Variants in EZH1 observed in about 807,000 individuals in gnomAD.
EZH1 encodes histone-lysine N-methyltransferase EZH1.
EZH1 carries 33 observed loss-of-function variants against 100.5 expected under a neutral mutation model. The observed-to-expected ratio is 0.33, with a 90% confidence interval of 0.25 to 0.44. The LOEUF is 0.44. Among genes scored for constraint, EZH1 ranks in the 20% least tolerant of loss-of-function variants. The pLI, the probability that EZH1 is intolerant of heterozygous loss-of-function variation, is 1.00. For synonymous variants in EZH1, 272 were observed against 313.8 expected, an observed-to-expected ratio of 0.87 and a Z score of 1.41; for missense variants, 475 against 928.4, an observed-to-expected ratio of 0.51 and a Z score of 6.35.
Position 42,704,707 on chromosome 17 carries a change from A to C in EZH1, c.1936-24T>G, listed in dbSNP as rs181691201. The C allele has an allele frequency of 3.4e-5, 55 of 1,603,568 alleles. No homozygotes were observed. The African/African-American group carries it at 6.7e-4, about 19-fold the overall frequency. On this transcript the variant is annotated intron_variant, in intron 17 of 20. Transcript: ENST00000428826. ...AGCTAGAGAGATAGACAAATAACAA[A>C]TAGGAGTATCAGGCTGCCTGCTCAG...
intron 1 of EZH1, among the ~76,000 whole-genome samples, chr17:42,740,988 C>T (rs1425124230): frequency 6.6e-6 from 1 of 152,170 alleles, no homozygotes; most frequent in East Asian, 1.9e-4. Flanking sequence ...TAAAACAAAA[C>T]AAAGAAAAAG....
chr17:42,702,510 G>A lies in EZH1; in HGVS notation c.*22C>T. On this transcript the variant is annotated 3_prime_UTR_variant, in exon 21 of 21. Transcript: ENST00000428826. ...CCAAGACAGTGCCGCTACCATAAGT[G>A]CTGCCGTGGGGCCTGGGAGGGCTAA... 6.6e-7 allele frequency: 1 copy of A among 1,504,924 alleles called. No homozygotes were observed. The highest frequency in any genetic ancestry group is 8.9e-7 in the Non-Finnish European group (1 of 1,120,192). The allele number at this position is 1,504,924 out of a possible 1,614,324, so 93.2% of individuals were successfully genotyped here.
intron 1 of EZH1, among the ~76,000 whole-genome samples, chr17:42,733,338 A>C (rs1469249029): frequency 6.6e-4 from 83 of 126,288 alleles, no homozygotes; most frequent in Admixed American, 1.6e-3. Context: ...ACTCTGTCTC[A>C]AAAAAAAAAA....
intron 16 of EZH1, chr17:42,705,535 T>C (rs777562385): frequency 6.5e-5 from 13 of 199,376 alleles, no homozygotes; most frequent in African/African-American, 9.5e-5. Context: ...TTCTTTCTCT[T>C]TTTGGAGATG....
Position 42,718,988 on chromosome 17 carries a change from G to T in EZH1, c.767+117C>A, listed in dbSNP as rs4792952. 7 of 749,232 alleles carry T rather than the reference G, an allele frequency of 9.3e-6. No individual in the cohort carries two copies. The highest frequency in any genetic ancestry group is 1.8e-5 in the African/African-American group (1 of 57,136). 46.4% of individuals were successfully genotyped at this position (749,232 alleles called of 1,614,324 possible). A position where few individuals can be genotyped will look rare whatever the true frequency, so the allele number is the denominator to read the frequency against. On this transcript the variant is annotated intron_variant, in intron 8 of 20. Coordinates refer to ENST00000428826, the MANE Select transcript of EZH1 (RefSeq NM_001991.5). The surrounding 1 kb of genome is among the most constrained non-coding windows in gnomAD (Gnocchi z 4.2). ...AGTAAGCAAGAAATAATCAAATTGC[G>T]GGCAAATCATAATGCCCTTACCATA...
Position 42,705,169 on chromosome 17 carries a change from G to A in EZH1, c.1854C>T (p.Ala618=). The change falls in exon 17 of 21, where the codon GCC becomes GCT. Residue 618 remains alanine (A), a synonymous_variant. Coordinates refer to ENST00000428826, the MANE Select transcript of EZH1 (RefSeq NM_001991.5). The stretch of plus-strand genomic sequence containing the variant: ...TGCCCCATCCGGCCACATCAGAGGG[G>A]GCCAGCAGCAGGTGCTGGGGAAGAG... The part of the protein sequence containing the change: ...QRGLKKHLLL[A]PSDVAGWGTF... The A allele has an allele frequency of 6.2e-7, 1 of 1,613,002 alleles. No individual in the cohort carries two copies. Among genetic ancestry groups the A allele is most frequent in the South Asian group, 1.1e-5 (1 of 90,982 alleles).
chr17:42,711,091 T>C (rs2053472842), intron 12 of EZH1, among the ~76,000 whole-genome samples: 1 of 151,728 alleles, frequency 6.6e-6, no homozygotes, highest in Admixed American at 6.6e-5. Flanking sequence ...ACTGTGGTCT[T>C]TTCCTGTCTT....
intron 10 of EZH1, among the ~76,000 whole-genome samples, chr17:42,715,208 T>G (rs1408943819): frequency 7.0e-6 from 1 of 143,576 alleles, no homozygotes; most frequent in Non-Finnish European, 1.5e-5. Flanking sequence ...TATTTATATA[T>G]AATATATATT....
In EZH1 at chr17:42,702,275, T is replaced by C. The variant is rs79807087; in HGVS notation, c.*257A>G. The C allele has an allele frequency of 0.024, 10,264 of 421,644 alleles. 620 individuals are homozygous for C. The highest frequency in any genetic ancestry group is 0.14 in the African/African-American group (6,853 of 50,676). 26.1% of individuals were successfully genotyped at this position (421,644 alleles called of 1,614,324 possible). A position where few individuals can be genotyped will look rare whatever the true frequency, so the allele number is the denominator to read the frequency against. ...ATCCACCCCAGCCTGTGCTCGCTTC[T>C]TCTGAGGCCAGAGAAACAGTCTCCC... On this transcript the variant is annotated 3_prime_UTR_variant, in exon 21 of 21. Coordinates refer to ENST00000428826, the MANE Select transcript of EZH1 (RefSeq NM_001991.5).
chr17:42,703,714 C>A, intron 19 of EZH1, 26 bp downstream of exon 19: 1 of 1,567,228 alleles, frequency 6.4e-7, no homozygotes, highest in Non-Finnish European at 8.8e-7. Context: ...ATCCCCCACC[C>A]CACCTCCCAG....
chr17:42,705,853 C>G lies in EZH1; in HGVS notation c.1839+154G>C, dbSNP rs954344630. The G allele has an allele frequency of 3.6e-6, 3 of 840,590 alleles. No homozygotes were observed. The Admixed American group carries it at 9.7e-5, about 27-fold the overall frequency. 52.1% of individuals were successfully genotyped at this position (840,590 alleles called of 1,614,324 possible). A position where few individuals can be genotyped will look rare whatever the true frequency, so the allele number is the denominator to read the frequency against. ...TTTCTAAGCCCTACTGGGACTGAAG[C>G]CTTTATTAATTCAGTAAATATGTGT... On this transcript the variant is annotated intron_variant, in intron 16 of 20. Coordinates refer to ENST00000428826, the MANE Select transcript of EZH1 (RefSeq NM_001991.5).
intron 1 of EZH1, among the ~76,000 whole-genome samples, chr17:42,744,470 C>G (rs1241378867): frequency 1.3e-5 from 2 of 152,114 alleles, no homozygotes; most frequent in African/African-American, 4.8e-5. Flanking sequence ...CTTGCGCGAC[C>G]CTGAGTCAGT....
intron 15 of EZH1, among the ~76,000 whole-genome samples, chr17:42,707,650 T>TA (rs1355646322): frequency 6.6e-6 from 1 of 152,152 alleles, no homozygotes; most frequent in Non-Finnish European, 1.5e-5. Context: ...CTACCCAAAG[T>TA]GCTGGGATTA....
chr17:42,740,333 G>A (rs1378555342), intron 1 of EZH1, among the ~76,000 whole-genome samples: 3 of 150,094 alleles, frequency 2.0e-5, no homozygotes, highest in East Asian at 2.0e-4. Context: ...TCCGCCTCCC[G>A]GGTTCAAGCG....
intron 13 of EZH1, chr17:42,709,170 A>AAG: frequency 3.7e-6 from 2 of 544,676 alleles, no homozygotes. Flanking sequence ...CACAACACAG[A>AAG]AATAAAAGAA....
At chr17:42,703,706 CCCCCA>C in intron 19 of EZH1, 29 bp downstream of exon 19, 1 of 1,488,740 alleles carries the variant, frequency 6.7e-7, no homozygotes, top group Non-Finnish European at 9.4e-7. Context: ...AGGCATCCAT[CCCCCA>C]CCCCACCTCC....
Position 42,706,641 on chromosome 17 carries a change from T to C in EZH1, c.1661-456A>G, listed in dbSNP as rs2053359250. ...AGGTTGAGGCTGCAGTGAGCCATAA[T>C]TGTGCCACTTCTCTCCAGCCTGAGC... On this transcript the variant is annotated intron_variant, in intron 15 of 20. Coordinates refer to ENST00000428826, the MANE Select transcript of EZH1 (RefSeq NM_001991.5). The surrounding 1 kb of genome is among the most constrained non-coding windows in gnomAD (Gnocchi z 4.4). Among the ~76,000 whole-genome samples, 1 of 152,060 alleles carries C rather than the reference T, an allele frequency of 6.6e-6. No homozygotes were observed. The highest frequency in any genetic ancestry group is 1.5e-5 in the Non-Finnish European group (1 of 67,998).
At chr17:42,741,050 A>C (rs2054166530) in intron 1 of EZH1, among the ~76,000 whole-genome samples, 2 of 152,262 alleles carry the variant, frequency 1.3e-5, no homozygotes, top group East Asian at 1.9e-4. Context: ...TTAACCTTTA[A>C]CCCTTCCCCT....
At chr17:42,738,501 G>A (rs554002096) in intron 1 of EZH1, among the ~76,000 whole-genome samples, 10 of 150,810 alleles carry the variant, frequency 6.6e-5, no homozygotes, top group East Asian at 3.9e-4. Flanking sequence ...GATTACAGAC[G>A]TGAGCCACCG....
Sources: allele counts gnomAD v4.1 joint callset (sites outside exome capture counted in the v4.1 genomes callset), GRCh38; gene constraint gnomAD v4.1.1; non-coding constraint Gnocchi (gnomAD v3.1); transcripts MANE v1.5; gene names NCBI Gene and HGNC (gene_info 2026-07-23, HGNC 2026-07-21).